WNT3: variants seen among roughly 807,000 people sequenced by gnomAD.
WNT3 encodes the protein proto-oncogene Wnt-3.
Under a neutral mutation model 34.2 loss-of-function variants are expected in WNT3, and 7 were observed. The observed-to-expected ratio is 0.20, with a 90% CI of 0.12 to 0.38. WNT3 has a LOEUF of 0.38. Among genes scored for constraint, WNT3 ranks in the 10% least tolerant of loss-of-function variants. WNT3 has a pLI of 1.00. For synonymous variants in WNT3, 212 were observed against 211.5 expected (o/e 1.00, Z -0.02); for missense variants, 267 against 499.8 (o/e 0.53, Z 4.44).
chr17:46,813,832 T>C (rs996354548), intron 1 of WNT3, among the ~76,000 whole-genome samples: 1 of 152,210 alleles, frequency 6.6e-6, no homozygotes, highest in African/African-American at 2.4e-5. Context: ...TTAAGTTCTG[T>C]AGTGAGGAGG....
chr17:46,767,649 C>T (rs2059325428), intron 4 of WNT3, among the ~76,000 whole-genome samples: 1 of 152,218 alleles, frequency 6.6e-6, no homozygotes, highest in African/African-American at 2.4e-5. Flanking sequence ...TTCCAGCCCC[C>T]CATCTCCAAA....
At chr17:46,804,494 A>G (rs1460478470) in intron 1 of WNT3, among the ~76,000 whole-genome samples, 1 of 152,072 alleles carries the variant, frequency 6.6e-6, no homozygotes, top group Middle Eastern at 3.2e-3. Context: ...AAGTGCTGTA[A>G]GACACCAGAC....
At chr17:46,788,863 C>T (rs1645763918) in intron 1 of WNT3, among the ~76,000 whole-genome samples, 1 of 152,214 alleles carries the variant, frequency 6.6e-6, no homozygotes, top group South Asian at 2.1e-4. Flanking sequence ...GAGCTGAGGG[C>T]AGGTGATGGC....
In WNT3 at chr17:46,789,281, T is replaced by C. The variant is rs530175778; in HGVS notation, c.81-15372A>G. On this transcript the variant is annotated intron_variant, in intron 1 of 4. Transcript: ENST00000225512. ...TACCTGGACTGTCCCATCCACTCTC[T>C]TATTCTATGCTCTTCAGAAAACCAA... 2.0e-5 allele frequency among the ~76,000 whole-genome samples: 3 copies of C among 152,264 alleles called. No homozygotes were observed. The South Asian group carries it at 6.2e-4, about 32-fold the overall frequency.
chr17:46,814,765 C>G (rs920854162), intron 1 of WNT3, among the ~76,000 whole-genome samples: 1 of 152,220 alleles, frequency 6.6e-6, no homozygotes, highest in South Asian at 2.1e-4. Flanking sequence ...CTGACCCCCA[C>G]GGGGTTTGAC....
Position 46,782,177 on chromosome 17 carries a change from C to T in WNT3, c.81-8268G>A, listed in dbSNP as rs571727674. On this transcript the variant is annotated intron_variant, in intron 1 of 4. Transcript: ENST00000225512. The stretch of plus-strand genomic sequence containing the variant: ...GCAGAAATAGGCCCTTTGCCCTTAC[C>T]TTTCTCCATGCGGAAATCTAACCAT... Among the ~76,000 whole-genome samples, 4 of 152,334 alleles carry T rather than the reference C, an allele frequency of 2.6e-5. No homozygotes were observed. In the South Asian group the frequency reaches 8.3e-4, roughly 32 times the overall value.
rs527657316 is a variant in WNT3 at position 46,811,258 on chromosome 17, G to A, written c.80+7260C>T. ...GAACTAAGCGGCCTTAGGTGTCATCGGGCGGGTTGTTGCATGGGTCAGTGT... is the reference window on the plus strand; with the variant it reads ...GAACTAAGCGGCCTTAGGTGTCATCAGGCGGGTTGTTGCATGGGTCAGTGT... On this transcript the variant is annotated intron_variant, in intron 1 of 4. Coordinates refer to ENST00000225512, the MANE Select transcript of WNT3 (RefSeq NM_030753.5). 6.6e-4 allele frequency among the ~76,000 whole-genome samples: 67 copies of A among 101,140 alleles called. 9 individuals carry two copies. Among genetic ancestry groups the A allele is most frequent in the Non-Finnish European group, 1.6e-3 (60 of 37,836 alleles). 66.4% of individuals were successfully genotyped at this position (101,140 alleles called of 152,430 possible).
chr17:46,801,862 T>C (rs894608029), intron 1 of WNT3, among the ~76,000 whole-genome samples: 4 of 152,174 alleles, frequency 2.6e-5, no homozygotes, highest in African/African-American at 7.2e-5. Flanking sequence ...TTCCCGATGC[T>C]GTGCCAGTTC....
At position 46,779,103 on chromosome 17, in the gene WNT3, A is replaced by ACACACACC. The variant is rs749719578; in HGVS notation, c.81-5195_81-5194insGGTGTGTG. On this transcript the variant is annotated intron_variant, in intron 1 of 4. Transcript: ENST00000225512. ...CACACACACACACACACACACACAC[A>ACACACACC]CCCCAGCCCACTCGGCCTTCCAAAG... Among the ~76,000 whole-genome samples the ACACACACC allele has an allele frequency of 6.6e-4, 88 of 133,636 alleles. 2 individuals are homozygous for ACACACACC. In the East Asian group the frequency reaches 9.2e-3, roughly 14 times the overall value. The allele number at this position is 133,636 out of a possible 152,430, so 87.7% of individuals were successfully genotyped here.
rs368237497 is a variant in WNT3, at chr17:46,768,808, G to A, written c.589-9C>T. 1.6e-5 allele frequency: 25 copies of A among 1,611,822 alleles called. No individual in the cohort carries two copies. The highest frequency in any genetic ancestry group is 2.0e-5 in the Non-Finnish European group (24 of 1,179,140). On this transcript the variant is annotated splice_polypyrimidine_tract_variant and intron_variant, in intron 3 of 4. Coordinates refer to ENST00000225512, the MANE Select transcript of WNT3 (RefSeq NM_030753.5). The surrounding 1 kb of genome is among the most constrained non-coding windows in gnomAD (Gnocchi z 5.0). ...ATGTGGTCCAGGATAGTCTGGGGGA[G>A]AGAAGTGGCAGCTGGCCAACAGACC...
chr17:46,782,572 A>G (rs533069955), intron 1 of WNT3, among the ~76,000 whole-genome samples: 22 of 152,362 alleles, frequency 1.4e-4, no homozygotes, highest in African/African-American at 5.1e-4. Flanking sequence ...TCAGGCCTCT[A>G]CCTTTCCACT....
chr17:46,806,278 C>T (rs2084195490), intron 1 of WNT3, among the ~76,000 whole-genome samples: 1 of 134,852 alleles, frequency 7.4e-6, no homozygotes, highest in South Asian at 2.3e-4. Flanking sequence ...ATGGCCAGGT[C>T]TCAGCTCACC....
intron 1 of WNT3, among the ~76,000 whole-genome samples, chr17:46,797,008 T>A (rs766900106): frequency 6.6e-6 from 1 of 151,984 alleles, no homozygotes; most frequent in Non-Finnish European, 1.5e-5. Context: ...ATTTTCCAAA[T>A]GGGGGAAAAT....
At chr17:46,804,043 A>G (rs572061495) in intron 1 of WNT3, among the ~76,000 whole-genome samples, 2 of 152,028 alleles carry the variant, frequency 1.3e-5, no homozygotes, top group South Asian at 4.1e-4. Context: ...CTTGACTTGC[A>G]TATTTGTCTT....
intron 2 of WNT3, among the ~76,000 whole-genome samples, chr17:46,771,845 G>C (rs1268543963): frequency 3.5e-5 from 5 of 143,690 alleles, no homozygotes; most frequent in East Asian, 4.1e-4. Context: ...GGCGGTGCTC[G>C]GGCGCTTTTC....
chr17:46,794,772 A>T (rs2084032101), intron 1 of WNT3, among the ~76,000 whole-genome samples: 1 of 129,606 alleles, frequency 7.7e-6, no homozygotes, highest in Admixed American at 8.2e-5. Context: ...TTTTTTTTTA[A>T]CAGATTCTTG....
At chr17:46,775,649 T>C (rs1315730746) in intron 1 of WNT3, among the ~76,000 whole-genome samples, 1 of 147,728 alleles carries the variant, frequency 6.8e-6, no homozygotes, top group Admixed American at 6.8e-5. Context: ...AGTCTCGCTG[T>C]GTCACCCAGG....
Position 46,770,063 on chromosome 17 carries a change from T to G in WNT3, c.323-15A>C. Reference sequence around the variant, plus strand: ...CTCGCGGGTGGCTGCGGGGAGGTCGTGGGGAGGCAGCACTCAGGACCCGGC... The same window carrying G: ...CTCGCGGGTGGCTGCGGGGAGGTCGGGGGGAGGCAGCACTCAGGACCCGGC... On this transcript the variant is annotated splice_polypyrimidine_tract_variant and intron_variant, in intron 2 of 4. Coordinates refer to ENST00000225512, the MANE Select transcript of WNT3 (RefSeq NM_030753.5). 6.5e-7 allele frequency: 1 copy of G among 1,533,084 alleles called. No homozygotes were observed. The allele number at this position is 1,533,084 out of a possible 1,614,324, so 95.0% of individuals were successfully genotyped here. A position where few individuals can be genotyped will look rare whatever the true frequency, so the allele number is the denominator to read the frequency against.
intron 2 of WNT3, among the ~76,000 whole-genome samples, chr17:46,771,922 C>T (rs907247354): frequency 6.9e-5 from 10 of 145,676 alleles, no homozygotes; most frequent in African/African-American, 2.2e-4. Context: ...GGAAGCGCCT[C>T]GGGCCCGCCG....
Sources: gnomAD v4.1 joint callset for allele counts (sites outside exome capture counted in the v4.1 genomes callset) on GRCh38, gnomAD v4.1.1 for gene constraint, Gnocchi (gnomAD v3.1) non-coding constraint, MANE v1.5 for transcripts, NCBI Gene and HGNC (gene_info 2026-07-23, HGNC 2026-07-21) for gene names.